ZNF324B: variants seen among roughly 807,000 people sequenced by gnomAD.
ZNF324B encodes the protein zinc finger protein 324B.
A neutral mutation model predicts 10.6 loss-of-function variants in ZNF324B; 7 were observed. The ratio of observed to expected loss-of-function variants is 0.66; its 90% CI spans 0.38 to 1.24. The LOEUF (loss-of-function observed/expected upper bound fraction) is 1.24, where lower values mean the gene tolerates loss of function less well. Among genes scored for constraint, ZNF324B ranks in the 50% most tolerant of loss-of-function variants. The pLI, the probability that ZNF324B is intolerant of heterozygous loss-of-function variation, is 0.02. For synonymous variants in ZNF324B, 316 were observed against 321.0 expected (o/e 0.98, Z 0.17); for missense variants, 640 against 764.7 (o/e 0.84, Z 1.92).
At chr19:58,439,686 C>A in the ZNF324B span, 1 of 1,435,212 alleles carries the variant, frequency 7.0e-7, no homozygotes, top group South Asian at 1.4e-5. Context: ...CACCAACATC[C>A]CCTCTATCTG....
At chr19:58,427,191 C>T in the ZNF324B span, among the ~76,000 whole-genome samples, 12 of 150,216 alleles carry the variant, frequency 8.0e-5, no homozygotes, top group Non-Finnish European at 1.3e-4. Flanking sequence ...AGTGCAATGG[C>T]GTGATCTCAG....
At position 58,454,336 on chromosome 19, in the gene ZNF324B, T is replaced by C. The variant is rs1490177241; in HGVS notation, c.230T>C (p.Leu77Pro). 1 of 1,611,568 alleles carries C rather than the reference T, an allele frequency of 6.2e-7. No individual in the cohort carries two copies. The highest frequency in any genetic ancestry group is 1.3e-5 in the African/African-American group (1 of 74,852). The change falls in exon 3 of 4, where the codon CTC becomes CCC. Residue 77 changes from leucine (L) to proline (P), a missense_variant. Around this residue, in one of 3 missense-constraint regions of ZNF324B, gnomAD observed 345 missense variants for 387.9 expected, o/e 0.89. Coordinates refer to ENST00000336614, the MANE Select transcript of ZNF324B (RefSeq NM_207395.3). ...CTGGCCAGGAACACCTACGGGAGGC[T>C]CAACTCTGGTGAGTGGGAGCTCAGG... The part of the protein sequence containing the change: ...MTLARNTYGR[L>P]NSGSWSLTED...
In ZNF324B at chr19:58,456,448, A is replaced by T; in HGVS notation, c.1504A>T (p.Ile502Phe). Reference sequence around the variant, plus strand: ...CCCTGCCCTCTTGCACCACCAGAGGATCCACACCACAGAGAAGACCAATGC... The same window carrying T: ...CCCTGCCCTCTTGCACCACCAGAGGTTCCACACCACAGAGAAGACCAATGC... ...ERPALLHHQR[I>F]HTTEKTNAAA... Residue 502 changes from isoleucine to phenylalanine, a missense_variant, in exon 4 of 4, where the codon ATC becomes TTC. Coordinates refer to ENST00000336614, the MANE Select transcript of ZNF324B (RefSeq NM_207395.3). This position sits in a 1 kb window ranked among gnomAD's most constrained non-coding sequence, Gnocchi z 4.7. 2 of 1,613,918 alleles carry T rather than the reference A, an allele frequency of 1.2e-6. No homozygotes were observed. Among genetic ancestry groups the T allele is most frequent in the South Asian group, 1.1e-5 (1 of 91,084 alleles).
chr19:58,447,766 A>T (rs1451733765), upstream of ZNF324B, among the ~76,000 whole-genome samples: 1 of 152,194 alleles, frequency 6.6e-6, no homozygotes, highest in Non-Finnish European at 1.5e-5. Context: ...CCCAAATCTC[A>T]TCTTGAATTG....
chr19:58,456,499 C>T lies in ZNF324B; in HGVS notation c.1555C>T (p.Pro519Ser), dbSNP rs2052924446. Reference sequence around the variant, plus strand: ...CGCAGCACCAGACTGCACCCCGGGGCCAGGTTTCCTTCAGGGACATCATCG... The same window carrying T: ...CGCAGCACCAGACTGCACCCCGGGGTCAGGTTTCCTTCAGGGACATCATCG... ...NAAAPDCTPGPGFLQGHHRKV... is the reference protein window; with the variant it reads ...NAAAPDCTPGSGFLQGHHRKV... The change falls in exon 4 of 4, where the codon CCA (proline) becomes TCA (serine). Residue 519 changes from proline to serine, a missense_variant. By Grantham distance (74) the Pro-to-Ser change is moderately conservative. Transcript: ENST00000336614. This position sits in a 1 kb window ranked among gnomAD's most constrained non-coding sequence, Gnocchi z 4.7. 6.2e-7 allele frequency: 1 copy of T among 1,614,190 alleles called. No homozygotes were observed. The highest frequency in any genetic ancestry group is 2.2e-5 in the East Asian group (1 of 44,890).
At chr19:58,420,820 A>G in the ZNF324B span, among the ~76,000 whole-genome samples, 2 of 151,268 alleles carry the variant, frequency 1.3e-5, no homozygotes, top group Non-Finnish European at 2.9e-5. Context: ...TGATTCTCAT[A>G]CCTCAGTCTC....
chr19:58,450,707 G>A (rs947176810), upstream of ZNF324B, among the ~76,000 whole-genome samples: 3 of 152,290 alleles, frequency 2.0e-5, no homozygotes, highest in Non-Finnish European at 4.4e-5. Flanking sequence ...TGGGTATAGA[G>A]GAAGACAAAA....
At chr19:58,452,125 C>G (rs2052866122) in intron 1 of ZNF324B, 1 of 159,726 alleles carries the variant, frequency 6.3e-6, no homozygotes, top group Non-Finnish European at 1.4e-5. Context: ...CTCCTGCGTC[C>G]AGGGCACTGG....
upstream of ZNF324B, among the ~76,000 whole-genome samples, chr19:58,447,380 C>G (rs1252420456): frequency 6.6e-6 from 1 of 152,080 alleles, no homozygotes; most frequent in Admixed American, 6.5e-5. Context: ...GGGGTCTGAG[C>G]CAAAAAGAGG....
At chr19:58,426,687 T>G in the ZNF324B span, among the ~76,000 whole-genome samples, 1 of 152,156 alleles carries the variant, frequency 6.6e-6, no homozygotes, top group African/African-American at 2.4e-5. Context: ...GTATAGCTGA[T>G]CTGGAGGTAT....
rs777807460 is a variant in ZNF324B at position 58,454,480 on chromosome 19, C to G, written c.238+136C>G. Reference sequence around the variant, plus strand: ...CCCTTCTCTTCCATCATCAGCCTCTCCTGGAGGCTGCTGCCTTAGTAGGTG... The same window carrying G: ...CCCTTCTCTTCCATCATCAGCCTCTGCTGGAGGCTGCTGCCTTAGTAGGTG... On this transcript the variant is annotated intron_variant, in intron 3 of 3. Coordinates refer to ENST00000336614, the MANE Select transcript of ZNF324B (RefSeq NM_207395.3). 4 of 653,008 alleles carry G rather than the reference C, an allele frequency of 6.1e-6. No individual in the cohort carries two copies. In the East Asian group the frequency reaches 1.1e-4, roughly 18 times the overall value. 40.5% of individuals were successfully genotyped at this position (653,008 alleles called of 1,614,324 possible).
chr19:58,421,208 C>T, the ZNF324B span, among the ~76,000 whole-genome samples: 1 of 152,004 alleles, frequency 6.6e-6, no homozygotes, highest in African/African-American at 2.4e-5. Flanking sequence ...GCGTCTTCAA[C>T]CTGCTCTGGA....
the ZNF324B span, chr19:58,432,446 A>G: frequency 2.6e-6 from 1 of 388,492 alleles, no homozygotes; most frequent in South Asian, 1.9e-5. Context: ...CTAGTTCACC[A>G]GTCTACCCAA....
At chr19:58,440,403 C>T in the ZNF324B span, 1 of 154,002 alleles carries the variant, frequency 6.5e-6, no homozygotes, top group Non-Finnish European at 1.5e-5. Flanking sequence ...GAGACAGGCA[C>T]TTCCGGGCGG....
chr19:58,455,249 C>T lies in ZNF324B; in HGVS notation c.305C>T (p.Pro102Leu), dbSNP rs745545576. Reference sequence around the variant, plus strand: ...TGGCCACGAGCTTTCCCAGATACCCCACCTGGGATGACTACTAGCGTCTTC... The same window carrying T: ...TGGCCACGAGCTTTCCCAGATACCCTACCTGGGATGACTACTAGCGTCTTC... Reference protein sequence around the residue: ...GEWPRAFPDTPPGMTTSVFPV... With the variant: ...GEWPRAFPDTLPGMTTSVFPV... The change falls in exon 4 of 4, where the codon CCA becomes CTA. Residue 102 changes from proline (P) to leucine (L), a missense_variant. Around this residue, in one of 3 missense-constraint regions of ZNF324B, gnomAD observed 345 missense variants for 387.9 expected, o/e 0.89. Coordinates refer to ENST00000336614, the MANE Select transcript of ZNF324B (RefSeq NM_207395.3). The surrounding 1 kb of genome is among the most constrained non-coding windows in gnomAD (Gnocchi z 7.0). The T allele has an allele frequency of 3.2e-5, 52 of 1,614,066 alleles. 2 individuals carry two copies. In the South Asian group the frequency reaches 4.9e-4, roughly 15 times the overall value.
At chr19:58,450,803 T>C (rs1231172421), upstream of ZNF324B, among the ~76,000 whole-genome samples, 1 of 152,224 alleles carries the variant, frequency 6.6e-6, no homozygotes, top group African/African-American at 2.4e-5. Flanking sequence ...GAGAATCGTT[T>C]ATTCTCTGCC....
At chr19:58,433,316 G>T in the ZNF324B span, 5 of 1,604,276 alleles carry the variant, frequency 3.1e-6, no homozygotes, top group South Asian at 1.1e-5. Flanking sequence ...CTTCCATAAG[G>T]CTCCACTCAG....
upstream of ZNF324B, among the ~76,000 whole-genome samples, chr19:58,450,300 C>T (rs921240095): frequency 6.6e-6 from 1 of 151,866 alleles, no homozygotes; most frequent in African/African-American, 2.4e-5. Flanking sequence ...TTATCAGCAA[C>T]GTGAAAACAG....
the ZNF324B span, among the ~76,000 whole-genome samples, chr19:58,439,186 T>G: frequency 2.6e-5 from 4 of 152,184 alleles, no homozygotes; most frequent in African/African-American, 9.6e-5. Flanking sequence ...CGGGCACCCC[T>G]CTGTCCAGCT....
Sources: allele counts gnomAD v4.1 joint callset (sites outside exome capture counted in the v4.1 genomes callset), GRCh38; gene constraint gnomAD v4.1.1; regional missense constraint gnomAD v4.1.1; non-coding constraint Gnocchi (gnomAD v3.1); transcripts MANE v1.5; gene names NCBI Gene and HGNC (gene_info 2026-07-23, HGNC 2026-07-21).